WDR17: variants seen among roughly 807,000 people sequenced by gnomAD.
WDR17 encodes the protein WD repeat domain 17.
A neutral mutation model predicts 161.7 loss-of-function variants in WDR17; 143 were observed. The ratio of observed to expected loss-of-function variants is 0.88; its 90% CI spans 0.77 to 1.02. The LOEUF is 1.02. WDR17 is among the 50% of genes least tolerant of loss of function. WDR17 has a pLI of 0.00. For missense variants in WDR17, 1,469 were observed against 1,520.9 expected (o/e 0.97, Z 0.57); for synonymous variants, 517 against 515.6 (o/e 1.00, Z -0.04).
chr4:176,103,735 AT>A (rs1738208405), intron 1 of WDR17, among the ~76,000 whole-genome samples: 1 of 152,102 alleles, frequency 6.6e-6, no homozygotes. Context: ...ACAGAAAGAA[AT>A]TGAAGAGAAG....
intron 20 of WDR17, 112 bp downstream of exon 20, chr4:176,161,114 C>T: frequency 1.4e-6 from 1 of 727,048 alleles, no homozygotes; most frequent in Non-Finnish European, 2.1e-6. Context: ...TTGACTGCCT[C>T]AACCGCATTC....
chr4:176,108,438 G>A (rs1287771676), intron 1 of WDR17, among the ~76,000 whole-genome samples: 1 of 152,076 alleles, frequency 6.6e-6, no homozygotes, highest in East Asian at 1.9e-4. Context: ...TGAATAGGCA[G>A]AGCACAAAGG....
intron 1 of WDR17, among the ~76,000 whole-genome samples, chr4:176,075,064 C>T (rs1733793807): frequency 6.6e-6 from 1 of 151,816 alleles, no homozygotes; most frequent in African/African-American, 2.4e-5. Context: ...ATAAGTCTGA[C>T]ATGCCTTTTA....
At chr4:176,088,592 C>T (rs374763331) in intron 1 of WDR17, among the ~76,000 whole-genome samples, 10 of 152,098 alleles carry the variant, frequency 6.6e-5, no homozygotes, top group Non-Finnish European at 1.0e-4. Context: ...ATGATAGTGG[C>T]GATCTGCTCA....
In WDR17 at chr4:176,071,738, G is replaced by A. The variant is rs772664506; in HGVS notation, c.-7+5659G>A. Among the ~76,000 whole-genome samples, 12 of 152,306 alleles carry A rather than the reference G, an allele frequency of 7.9e-5. No individual in the cohort carries two copies. In the South Asian group the frequency reaches 8.3e-4, roughly 11 times the overall value. Reference sequence around the variant, plus strand: ...TCAAATCAAAAATTATTTCCATGTTGCAGCACAAAACGTTCTGTAATCCTC... The same window carrying A: ...TCAAATCAAAAATTATTTCCATGTTACAGCACAAAACGTTCTGTAATCCTC... On this transcript the variant is annotated intron_variant, in intron 1 of 28. Transcript: ENST00000508596.
intron 22 of WDR17, 136 bp downstream of exon 22, chr4:176,163,429 G>A (rs1049815289): frequency 2.1e-5 from 22 of 1,026,276 alleles, no homozygotes; most frequent in Non-Finnish European, 3.0e-5. Context: ...ATTGTGGAAG[G>A]AAATAATGAT....
In WDR17 at chr4:176,155,973, A is replaced by G. The variant is rs537134988; in HGVS notation, c.2461-106A>G. ...CAAATCAGGACTCAAGAACTCAAAT[A>G]TAAAAATACTATATTATAAATACCA... On this transcript the variant is annotated intron_variant, in intron 17 of 28. Transcript: ENST00000508596. The G allele has an allele frequency of 2.5e-4, 253 of 1,011,250 alleles. No homozygotes were observed. The African/African-American group carries it at 3.8e-3, about 15-fold the overall frequency. 62.6% of individuals were successfully genotyped at this position (1,011,250 alleles called of 1,614,324 possible). A position where few individuals can be genotyped will look rare whatever the true frequency, so the allele number is the denominator to read the frequency against.
intron 1 of WDR17, among the ~76,000 whole-genome samples, chr4:176,106,533 C>G (rs1417377199): frequency 6.6e-6 from 1 of 152,144 alleles, no homozygotes; most frequent in Non-Finnish European, 1.5e-5. Context: ...TAGAAGAAAA[C>G]AGAGGACAAA....
At chr4:176,129,468 T>A (rs964450091) in intron 6 of WDR17, among the ~76,000 whole-genome samples, 1 of 151,550 alleles carries the variant, frequency 6.6e-6, no homozygotes, top group Admixed American at 6.6e-5. Context: ...TTGGGGGAGG[T>A]TTAGAATTAG....
At chr4:176,083,078 T>C (rs181581191) in intron 1 of WDR17, among the ~76,000 whole-genome samples, 4 of 152,246 alleles carry the variant, frequency 2.6e-5, no homozygotes, top group African/African-American at 4.8e-5. Context: ...AACTTAGAAG[T>C]CTATTTTTTC....
At chr4:176,125,617 ATG>A (rs1049569800) in intron 5 of WDR17, among the ~76,000 whole-genome samples, 1 of 86,416 alleles carries the variant, frequency 1.2e-5, no homozygotes, top group Non-Finnish European at 2.6e-5. Context: ...ATGTGCACAC[ATG>A]TGAGCATGTC....
At chr4:176,179,062 C>T (rs1177706231) in intron 28 of WDR17, among the ~76,000 whole-genome samples, 2 of 152,146 alleles carry the variant, frequency 1.3e-5, no homozygotes, top group Non-Finnish European at 2.9e-5. Context: ...ATTTCCCCAG[C>T]TGTATCGACA....
chr4:176,140,849 A>G (rs887284836), intron 10 of WDR17, among the ~76,000 whole-genome samples: 4 of 152,166 alleles, frequency 2.6e-5, no homozygotes, highest in Non-Finnish European at 1.5e-5. Flanking sequence ...GTGCTAATTG[A>G]TAGATACCAA....
At chr4:176,126,813 T>A (rs928929453) in intron 5 of WDR17, among the ~76,000 whole-genome samples, 2 of 152,174 alleles carry the variant, frequency 1.3e-5, no homozygotes, top group Admixed American at 1.3e-4. Context: ...GCTGTTCTCA[T>A]GATAATGAGT....
chr4:176,080,737 C>T (rs1734637371), intron 1 of WDR17, among the ~76,000 whole-genome samples: 1 of 152,030 alleles, frequency 6.6e-6, no homozygotes, highest in Non-Finnish European at 1.5e-5. Context: ...TGAGAACGTT[C>T]TCCTTTGACA....
At chr4:176,132,195 G>A (rs1334310196) in intron 7 of WDR17, among the ~76,000 whole-genome samples, 3 of 152,032 alleles carry the variant, frequency 2.0e-5, no homozygotes, top group South Asian at 2.1e-4. Context: ...TGATAATTAA[G>A]CCCCTATATA....
At chr4:176,094,617 A>G (rs1176008919) in intron 1 of WDR17, among the ~76,000 whole-genome samples, 1 of 152,214 alleles carries the variant, frequency 6.6e-6, no homozygotes, top group African/African-American at 2.4e-5. Context: ...GAAAGCAGAG[A>G]ACAGTAAGTA....
chr4:176,103,357 T>A (rs937200450), intron 1 of WDR17, among the ~76,000 whole-genome samples: 1 of 151,960 alleles, frequency 6.6e-6, no homozygotes, highest in African/African-American at 2.4e-5. Flanking sequence ...AGAGTTACCA[T>A]ATTACTAGAT....
In WDR17 at chr4:176,084,318, A is replaced by G. The variant is rs185898659; in HGVS notation, c.-7+18239A>G. Among the ~76,000 whole-genome samples, 148 of 152,266 alleles carry G rather than the reference A, an allele frequency of 9.7e-4. 2 individuals are homozygous for G. In the East Asian group the frequency reaches 0.022, roughly 23 times the overall value. On this transcript the variant is annotated intron_variant, in intron 1 of 28. Transcript: ENST00000508596. ...AGGGGAACTGGTGTGTGCAAAGAAC[A>G]CACAGCAAGAAAGGCAGCAAGGAGC...
Sources: allele counts gnomAD v4.1 joint callset (sites outside exome capture counted in the v4.1 genomes callset), GRCh38; gene constraint gnomAD v4.1.1; transcripts MANE v1.5; gene names NCBI Gene and HGNC (gene_info 2026-07-23, HGNC 2026-07-21).